SAMSN1: variants seen among roughly 807,000 people sequenced by gnomAD.
SAMSN1 encodes the protein SAM domain-containing protein SAMSN-1.
Under a neutral mutation model 42.0 loss-of-function variants are expected in SAMSN1, and 31 were observed. The observed-to-expected ratio is 0.74, with a 90% CI of 0.55 to 1.00. The LOEUF is 1.00. SAMSN1 is among the 50% of genes least tolerant of loss of function. The probability of loss-of-function intolerance (pLI) is 0.00; values close to 1 mark genes in which losing one functional copy is unlikely to be tolerated. For synonymous variants in SAMSN1, 178 were observed against 151.9 expected (o/e 1.17, Z -1.26); for missense variants, 464 against 439.4 (o/e 1.06, Z -0.50).
chr21:14,598,269 A>C (rs774788913), intron 6 of SAMSN1: 2 of 152,198 alleles, frequency 1.3e-5, no homozygotes, highest in Non-Finnish European at 2.9e-5. Flanking sequence ...CTCAGAATTT[A>C]AGTGAGAAAT....
At chr21:14,579,311 G>A (rs1981619842) in intron 2 of SAMSN1, among the ~76,000 whole-genome samples, 1 of 152,152 alleles carries the variant, frequency 6.6e-6, no homozygotes, top group Non-Finnish European at 1.5e-5. Flanking sequence ...ACCTTCTGCA[G>A]ATAAAACTCA....
intron 2 of SAMSN1, among the ~76,000 whole-genome samples, chr21:14,569,172 A>G (rs1363242464): frequency 6.6e-6 from 1 of 152,024 alleles, no homozygotes; most frequent in Non-Finnish European, 1.5e-5. Context: ...TTGCATGCCT[A>G]TAGTCCTGTC....
intron 2 of SAMSN1, among the ~76,000 whole-genome samples, chr21:14,618,656 ATGTGTGTGTGTGTGTGTGTGTGTGTG>A (rs3050614): frequency 6.7e-6 from 1 of 149,060 alleles, no homozygotes; most frequent in Non-Finnish European, 1.5e-5. Flanking sequence ...ACAGCTGTGT[ATGTGTGTGTGTGTGTGTGTGTGTGTG>A]TGTGTGTGTG....
intron 2 of SAMSN1, among the ~76,000 whole-genome samples, chr21:14,635,822 T>TTTATTATTATTA (rs368397409): frequency 2.6e-4 from 40 of 151,240 alleles, no homozygotes; most frequent in African/African-American, 8.0e-4. Context: ...AGAGACAGAA[T>TTTATTATTATTA]TTATTATTAT....
At chr21:14,544,867 C>A (rs1980286039) in intron 1 of SAMSN1, among the ~76,000 whole-genome samples, 3 of 152,218 alleles carry the variant, frequency 2.0e-5, no homozygotes, top group Middle Eastern at 3.4e-3. Context: ...TGAGGTATAT[C>A]ATTCTCCATA....
chr21:14,568,810 T>C (rs1010593910), intron 2 of SAMSN1, among the ~76,000 whole-genome samples: 1 of 152,190 alleles, frequency 6.6e-6, no homozygotes, highest in African/African-American at 2.4e-5. Flanking sequence ...TAAATCATAG[T>C]ATTAGTAGTA....
chr21:14,522,303 T>C (rs1361161781), intron 1 of SAMSN1, among the ~76,000 whole-genome samples: 1 of 152,264 alleles, frequency 6.6e-6, no homozygotes, highest in African/African-American at 2.4e-5. Context: ...AGTCAAAAAA[T>C]TGATATTTCC....
intron 2 of SAMSN1, among the ~76,000 whole-genome samples, chr21:14,622,808 C>G (rs1241896431): frequency 1.3e-5 from 2 of 152,118 alleles, no homozygotes; most frequent in Non-Finnish European, 2.9e-5. Flanking sequence ...AACTCCAAGA[C>G]ACATAATTGT....
chr21:14,618,656 ATGTGTGTGTGTG>A (rs3050614), intron 2 of SAMSN1, among the ~76,000 whole-genome samples: 24,858 of 149,116 alleles, frequency 0.17, 2,553 homozygotes, highest in African/African-American at 0.31. Context: ...ACAGCTGTGT[ATGTGTGTGTGTG>A]TGTGTGTGTG....
At chr21:14,585,420 T>G (rs1981888401), upstream of SAMSN1, 1 of 152,184 alleles carries the variant, frequency 6.6e-6, no homozygotes, top group Admixed American at 6.5e-5. Context: ...TCTTCTCCCT[T>G]TGTGAAAAAG....
intron 2 of SAMSN1, among the ~76,000 whole-genome samples, chr21:14,551,723 A>G (rs1980602092): frequency 6.6e-6 from 1 of 152,104 alleles, no homozygotes; most frequent in African/African-American, 2.4e-5. Flanking sequence ...TTATTACATA[A>G]CAGAAATTAT....
At chr21:14,495,547 T>TC (rs1986882345) in intron 7 of SAMSN1, among the ~76,000 whole-genome samples, 1 of 152,210 alleles carries the variant, frequency 6.6e-6, no homozygotes, top group Non-Finnish European at 1.5e-5. Flanking sequence ...AATCTGTATT[T>TC]TTTTTTTCCA....
chr21:14,622,387 G>A (rs569902167), intron 2 of SAMSN1, among the ~76,000 whole-genome samples: 5 of 152,056 alleles, frequency 3.3e-5, no homozygotes, highest in Admixed American at 1.3e-4. Context: ...AAGATTAGAC[G>A]AATGGCTAAC....
At chr21:14,629,263 G>A (rs1983260933) in intron 2 of SAMSN1, among the ~76,000 whole-genome samples, 1 of 152,166 alleles carries the variant, frequency 6.6e-6, no homozygotes, top group Non-Finnish European at 1.5e-5. Flanking sequence ...ACAGCACACT[G>A]ATGTGTTTTA....
At chr21:14,626,906 A>C (rs1983192383) in intron 2 of SAMSN1, among the ~76,000 whole-genome samples, 1 of 152,364 alleles carries the variant, frequency 6.6e-6, no homozygotes, top group South Asian at 2.1e-4. Context: ...GACTGGATTA[A>C]GAAAATATGG....
intron 5 of SAMSN1, among the ~76,000 whole-genome samples, chr21:14,508,548 A>T (rs1255881192): frequency 6.6e-6 from 1 of 152,202 alleles, no homozygotes; most frequent in Admixed American, 6.5e-5. Context: ...TCAAAAAATT[A>T]AAAAATTGCA....
intron 5 of SAMSN1, among the ~76,000 whole-genome samples, chr21:14,506,546 T>C (rs1410310791): frequency 6.6e-6 from 1 of 152,146 alleles, no homozygotes; most frequent in African/African-American, 2.4e-5. Context: ...ATTGAAATGG[T>C]AATTTTAAAA....
intron 5 of SAMSN1, among the ~76,000 whole-genome samples, chr21:14,510,103 C>T (rs1171499363): frequency 6.6e-6 from 1 of 150,986 alleles, no homozygotes; most frequent in Non-Finnish European, 1.5e-5. Context: ...TGCGCCACTG[C>T]ACTCCAGCCT....
intron 1 of SAMSN1, among the ~76,000 whole-genome samples, chr21:14,536,221 T>C (rs993919426): frequency 6.6e-6 from 1 of 152,146 alleles, no homozygotes; most frequent in Non-Finnish European, 1.5e-5. Context: ...ATTCCATTAT[T>C]GTAAAAACAA....
Sources: gnomAD v4.1 joint callset for allele counts (sites outside exome capture counted in the v4.1 genomes callset) on GRCh38, gnomAD v4.1.1 for gene constraint, MANE v1.5 for transcripts, NCBI Gene and HGNC (gene_info 2026-07-23, HGNC 2026-07-21) for gene names.